CSMD1: variants seen among roughly 807,000 people sequenced by gnomAD.
CSMD1 encodes the protein CUB and sushi domain-containing protein 1.
Under a neutral mutation model 417.5 loss-of-function variants are expected in CSMD1, and 213 were observed. The observed-to-expected ratio is 0.51, with a 90% confidence interval of 0.46 to 0.57. CSMD1 has a LOEUF of 0.57. Ranked by LOEUF, CSMD1 falls within the 20% of genes least tolerant of loss-of-function variation. The pLI, the probability that CSMD1 is intolerant of heterozygous loss-of-function variation, is 0.00. For synonymous variants in CSMD1, 2,862 were observed against 1,736.8 expected (o/e 1.65, Z -16.11); for missense variants, 6,923 against 4,529.7 (o/e 1.53, Z -15.17).
At chr8:4,517,685 TCAAA>T (rs1246754005) in intron 2 of CSMD1, among the ~76,000 whole-genome samples, 2 of 152,246 alleles carry the variant, frequency 1.3e-5, no homozygotes, top group Non-Finnish European at 2.9e-5. Context: ...ATGTTAATAA[TCAAA>T]CACTCAAAAT....
intron 3 of CSMD1, among the ~76,000 whole-genome samples, chr8:4,115,205 G>A (rs996423310): frequency 1.3e-5 from 2 of 152,180 alleles, no homozygotes; most frequent in Non-Finnish European, 2.9e-5. Flanking sequence ...TACCATCTTG[G>A]TAAGTCAGCA....
rs780046131 is a variant in CSMD1 at position 3,187,858 on chromosome 8, C to T, written c.5620+11G>A. ...TGAGTCACACAGGTGAGGAAATTGA[C>T]TCCATCTTACCTGAGAAGCTTCCCA... On this transcript the variant is annotated intron_variant, in intron 36 of 69. Transcript: ENST00000635120. The T allele has an allele frequency of 1.1e-5, 18 of 1,606,664 alleles. No individual in the cohort carries two copies. Among genetic ancestry groups the T allele is most frequent in the Non-Finnish European group, 1.5e-5 (18 of 1,174,438 alleles).
At chr8:2,986,908 T>C (rs1805960164) in intron 54 of CSMD1, among the ~76,000 whole-genome samples, 1 of 151,940 alleles carries the variant, frequency 6.6e-6, no homozygotes, top group Non-Finnish European at 1.5e-5. Context: ...ACTACAGCAA[T>C]AGCAAAAACC....
At chr8:4,147,071 C>G (rs1310508139) in intron 3 of CSMD1, among the ~76,000 whole-genome samples, 1 of 151,916 alleles carries the variant, frequency 6.6e-6, no homozygotes, top group Non-Finnish European at 1.5e-5. Context: ...TGCCCTAACT[C>G]CAGCTGTCCT....
intron 3 of CSMD1, among the ~76,000 whole-genome samples, chr8:4,051,355 T>G (rs1417463681): frequency 6.6e-6 from 1 of 151,408 alleles, no homozygotes; most frequent in African/African-American, 2.4e-5. Flanking sequence ...CTCGGCAGCT[T>G]CTTTCACTGT....
intron 2 of CSMD1, among the ~76,000 whole-genome samples, chr8:4,462,998 A>C (rs571670299): frequency 6.6e-6 from 1 of 152,352 alleles, no homozygotes; most frequent in Non-Finnish European, 1.5e-5. Context: ...AAAACATTAG[A>C]ACAGAAAAAG....
At chr8:4,656,117 G>A (rs903537077) in intron 1 of CSMD1, among the ~76,000 whole-genome samples, 4 of 152,032 alleles carry the variant, frequency 2.6e-5, no homozygotes, top group African/African-American at 4.8e-5. Context: ...AAAGTGTATC[G>A]TGTGTGTCAA....
chr8:3,950,796 C>T (rs1047541245), intron 5 of CSMD1, among the ~76,000 whole-genome samples: 15 of 152,014 alleles, frequency 9.9e-5, no homozygotes, highest in African/African-American at 3.4e-4. Flanking sequence ...TAAACATATT[C>T]TTCGGTCATA....
At chr8:3,516,362 G>C (rs781132478) in intron 10 of CSMD1, among the ~76,000 whole-genome samples, 1 of 152,188 alleles carries the variant, frequency 6.6e-6, no homozygotes, top group Non-Finnish European at 1.5e-5. Context: ...TTGCAAGACA[G>C]CTTAGTATAA....
intron 29 of CSMD1, among the ~76,000 whole-genome samples, chr8:3,217,357 G>C (rs543237692): frequency 2.6e-5 from 4 of 152,342 alleles, no homozygotes; most frequent in Admixed American, 6.5e-5. Flanking sequence ...AAAAATTAAG[G>C]AAGTTCTTTC....
At chr8:4,465,485 G>A (rs181205106) in intron 2 of CSMD1, among the ~76,000 whole-genome samples, 29 of 152,200 alleles carry the variant, frequency 1.9e-4, no homozygotes, top group Non-Finnish European at 2.9e-4. Flanking sequence ...ATGGTTCGTC[G>A]TCCTCCCAAG....
intron 1 of CSMD1, among the ~76,000 whole-genome samples, chr8:4,931,835 C>A (rs79340905): frequency 0.021 from 3,136 of 152,190 alleles, 92 homozygotes; most frequent in African/African-American, 0.07. Context: ...TTTTAAAATG[C>A]AGTATATTTT....
chr8:4,029,976 C>G (rs1325231642), intron 4 of CSMD1, among the ~76,000 whole-genome samples: 2 of 152,172 alleles, frequency 1.3e-5, no homozygotes, highest in Non-Finnish European at 2.9e-5. Context: ...AAAATCATTT[C>G]CTTTGACTTT....
At chr8:4,392,322 G>C (rs566112102) in intron 3 of CSMD1, among the ~76,000 whole-genome samples, 128 of 152,188 alleles carry the variant, frequency 8.4e-4, no homozygotes, top group Middle Eastern at 6.8e-3. Context: ...TTTACCATGG[G>C]GACCACGGAT....
chr8:3,264,676 G>T (rs75184505), intron 26 of CSMD1, among the ~76,000 whole-genome samples: 1 of 152,090 alleles, frequency 6.6e-6, no homozygotes, highest in African/African-American at 2.4e-5. Context: ...CTGTGGGGTC[G>T]TAAAAAGAGT....
At chr8:3,455,234 T>C (rs1816029609) in intron 12 of CSMD1, among the ~76,000 whole-genome samples, 1 of 152,174 alleles carries the variant, frequency 6.6e-6, no homozygotes, top group Admixed American at 6.5e-5. Flanking sequence ...TCAAGGTTTT[T>C]AACTTCTTTG....
At chr8:3,774,318 A>G (rs1339541385) in intron 5 of CSMD1, among the ~76,000 whole-genome samples, 2 of 152,140 alleles carry the variant, frequency 1.3e-5, no homozygotes, top group Non-Finnish European at 2.9e-5. Flanking sequence ...GGGTTTCAGT[A>G]GAGTACACAG....
At chr8:3,570,666 GGTAT>G (rs1799906690) in intron 10 of CSMD1, among the ~76,000 whole-genome samples, 1 of 152,106 alleles carries the variant, frequency 6.6e-6, no homozygotes, top group Admixed American at 6.6e-5. Context: ...TCTAAAATAA[GGTAT>G]CCCCCAAACT....
intron 4 of CSMD1, among the ~76,000 whole-genome samples, chr8:4,020,997 T>A (rs1354668904): frequency 6.6e-6 from 1 of 152,208 alleles, no homozygotes; most frequent in Non-Finnish European, 1.5e-5. Flanking sequence ...TCTTTATGAT[T>A]AAACTGCATC....
Sources: allele counts gnomAD v4.1 joint callset (sites outside exome capture counted in the v4.1 genomes callset), GRCh38; gene constraint gnomAD v4.1.1; transcripts MANE v1.5; gene names NCBI Gene and HGNC (gene_info 2026-07-23, HGNC 2026-07-21).